CDH12: variants seen among roughly 807,000 people sequenced by gnomAD.
The protein encoded by CDH12 is cadherin-12.
In CDH12, 41 loss-of-function variants were observed where a neutral mutation model predicts 74.1. The observed-to-expected ratio is 0.55, with a 90% confidence interval of 0.43 to 0.72. The LOEUF (loss-of-function observed/expected upper bound fraction) is 0.72. CDH12 is among the 30% of genes least tolerant of loss of function. The pLI is 0.00. For missense variants in CDH12, 945 were observed against 977.2 expected (o/e 0.97, Z 0.44); for synonymous variants, 399 against 355.0 (o/e 1.12, Z -1.39).
chr5:22,849,740 T>C (rs1200640919), intron 1 of CDH12, among the ~76,000 whole-genome samples: 1 of 152,100 alleles, frequency 6.6e-6, no homozygotes, highest in Non-Finnish European at 1.5e-5. Flanking sequence ...GCATGAGATG[T>C]ATATATTTTA....
intron 2 of CDH12, among the ~76,000 whole-genome samples, chr5:22,438,785 A>C (rs1287193359): frequency 1.3e-5 from 2 of 151,952 alleles, no homozygotes; most frequent in Non-Finnish European, 2.9e-5. Context: ...AATGTTAATT[A>C]TATTTACTAT....
intron 5 of CDH12, among the ~76,000 whole-genome samples, chr5:22,009,939 C>CAAAAAAAAAA (rs774589642): frequency 5.0e-4 from 27 of 54,270 alleles, no homozygotes; most frequent in African/African-American, 1.2e-3. Context: ...GAAACTGTCT[C>CAAAAAAAAAA]AAAAAAAAAA....
chr5:22,735,338 C>G (rs1744630494), intron 1 of CDH12, among the ~76,000 whole-genome samples: 1 of 151,802 alleles, frequency 6.6e-6, no homozygotes, highest in Non-Finnish European at 1.5e-5. Flanking sequence ...CAGGGTTACC[C>G]TTCAGAAGGT....
chr5:22,257,807 T>G (rs4451019), intron 3 of CDH12, among the ~76,000 whole-genome samples: 78,932 of 151,744 alleles, frequency 0.52, 21,217 homozygotes, highest in Non-Finnish European at 0.59. Context: ...CAAATTTTTT[T>G]TGTGTGTGAA....
intron 8 of CDH12, among the ~76,000 whole-genome samples, chr5:21,820,164 T>C (rs928178862): frequency 6.6e-6 from 1 of 151,920 alleles, no homozygotes; most frequent in Non-Finnish European, 1.5e-5. Flanking sequence ...AAGAGCCCCC[T>C]TTCCAAGACA....
chr5:22,332,627 C>T (rs1739397032), intron 3 of CDH12, among the ~76,000 whole-genome samples: 1 of 151,966 alleles, frequency 6.6e-6, no homozygotes, highest in Non-Finnish European at 1.5e-5. Flanking sequence ...AAGAATAAAA[C>T]AAACAACCCC....
At chr5:22,100,262 T>G (rs1215137317) in intron 4 of CDH12, among the ~76,000 whole-genome samples, 1 of 152,280 alleles carries the variant, frequency 6.6e-6, no homozygotes, top group Non-Finnish European at 1.5e-5. Flanking sequence ...AAACCTTAAA[T>G]TAAACACTAG....
intron 3 of CDH12, among the ~76,000 whole-genome samples, chr5:22,222,145 T>C (rs1486623007): frequency 6.6e-6 from 1 of 151,992 alleles, no homozygotes; most frequent in Non-Finnish European, 1.5e-5. Context: ...GTATTGGCTT[T>C]CTATAAATAA....
At chr5:22,743,451 G>A (rs1217608866) in intron 1 of CDH12, among the ~76,000 whole-genome samples, 1 of 151,766 alleles carries the variant, frequency 6.6e-6, no homozygotes, top group East Asian at 1.9e-4. Context: ...GAAAAATGAT[G>A]ACATGGAAAT....
chr5:22,140,099 T>C (rs1746700688), intron 4 of CDH12, among the ~76,000 whole-genome samples: 1 of 151,972 alleles, frequency 6.6e-6, no homozygotes, highest in Admixed American at 6.6e-5. Context: ...AGCAGAGAAA[T>C]CCCATGTTAG....
chr5:22,028,281 A>G (rs1184703035), intron 5 of CDH12, among the ~76,000 whole-genome samples: 6 of 152,136 alleles, frequency 3.9e-5, no homozygotes, highest in African/African-American at 1.4e-4. Context: ...CAGGAGAAGG[A>G]AATAAAGGGT....
At chr5:22,357,128 G>A (rs1032926119) in intron 3 of CDH12, among the ~76,000 whole-genome samples, 5 of 152,032 alleles carry the variant, frequency 3.3e-5, no homozygotes, top group African/African-American at 4.8e-5. Context: ...AAAAAGGAGA[G>A]AAATTGATAG....
chr5:22,552,058 G>C (rs1413635307), intron 1 of CDH12, among the ~76,000 whole-genome samples: 5 of 152,096 alleles, frequency 3.3e-5, no homozygotes, highest in Non-Finnish European at 5.9e-5. Context: ...GTATATAGGA[G>C]TGAACAGAGC....
chr5:22,488,417 T>C (rs1746697564), intron 2 of CDH12, among the ~76,000 whole-genome samples: 1 of 152,182 alleles, frequency 6.6e-6, no homozygotes, highest in Admixed American at 6.5e-5. Flanking sequence ...GTAAAGGAAG[T>C]CAAGTGAATG....
chr5:22,717,930 T>G (rs1414896324), intron 1 of CDH12, among the ~76,000 whole-genome samples: 3 of 152,128 alleles, frequency 2.0e-5, no homozygotes, highest in Non-Finnish European at 4.4e-5. Context: ...AAAAAGCATC[T>G]TCTGTAGCTA....
intron 10 of CDH12, among the ~76,000 whole-genome samples, chr5:21,796,768 C>A (rs1245010775): frequency 1.3e-5 from 2 of 152,012 alleles, no homozygotes; most frequent in African/African-American, 4.8e-5. Flanking sequence ...CCACTGAAAT[C>A]TTTCTGTAAC....
At chr5:22,662,165 G>A (rs1038498556) in intron 1 of CDH12, among the ~76,000 whole-genome samples, 1 of 152,064 alleles carries the variant, frequency 6.6e-6, no homozygotes, top group Non-Finnish European at 1.5e-5. Context: ...CACTCCTCTG[G>A]TTTAAGAAAT....
chr5:22,362,266 T>C (rs1371993098), intron 3 of CDH12, among the ~76,000 whole-genome samples: 6 of 151,672 alleles, frequency 4.0e-5, no homozygotes, highest in African/African-American at 9.7e-5. Flanking sequence ...AAAAAGTGGG[T>C]GAAGGATATG....
intron 3 of CDH12, among the ~76,000 whole-genome samples, chr5:22,349,250 G>A (rs181732412): frequency 6.5e-4 from 99 of 152,284 alleles, no homozygotes; most frequent in African/African-American, 2.4e-3. Context: ...TTTTGTTATA[G>A]CTGCCCGAAT....
Sources: gnomAD v4.1 joint callset for allele counts (sites outside exome capture counted in the v4.1 genomes callset) on GRCh38, gnomAD v4.1.1 for gene constraint, MANE v1.5 for transcripts, NCBI Gene and HGNC (gene_info 2026-07-23, HGNC 2026-07-21) for gene names.